CHP1: variants seen among roughly 807,000 people sequenced by gnomAD.
CHP1 encodes the protein calcineurin like EF-hand protein 1.
Under a neutral mutation model 27.4 loss-of-function variants are expected in CHP1, and 11 were observed. The observed-to-expected ratio is 0.40, with a 90% CI of 0.25 to 0.67. The LOEUF (loss-of-function observed/expected upper bound fraction) is 0.67. Ranked by LOEUF, CHP1 falls within the 30% of genes least tolerant of loss-of-function variation. The pLI, the probability that CHP1 is intolerant of heterozygous loss-of-function variation, is 0.38. For missense variants in CHP1, 169 were observed against 251.3 expected, an observed-to-expected ratio of 0.67 and a Z score of 2.22; for synonymous variants, 89 against 87.4, an observed-to-expected ratio of 1.02 and a Z score of -0.10.
At chr15:41,232,968 G>A (rs1048650072) in intron 1 of CHP1, among the ~76,000 whole-genome samples, 52 of 152,182 alleles carry the variant, frequency 3.4e-4, no homozygotes, top group Middle Eastern at 3.4e-3. Flanking sequence ...CCTAAAATAT[G>A]GCCCTTAAGC....
chr15:41,279,210 C>CAAAAAA, intron 6 of CHP1, 126 bp from the exon 7 acceptor site: 1 of 594,410 alleles, frequency 1.7e-6, no homozygotes, highest in Admixed American at 3.7e-5. Flanking sequence ...ACTCTGCCTC[C>CAAAAAA]AAAAAAAAAA....
chr15:41,232,208 ATTTTTTT>A (rs541011609), intron 1 of CHP1, among the ~76,000 whole-genome samples: 21 of 131,626 alleles, frequency 1.6e-4, no homozygotes, highest in East Asian at 4.4e-4. Context: ...CTAGGAACTG[ATTTTTTT>A]TTTTTTTTTT....
At chr15:41,265,540 TC>T (rs2047455828) in intron 4 of CHP1, among the ~76,000 whole-genome samples, 1 of 146,518 alleles carries the variant, frequency 6.8e-6, no homozygotes, top group Non-Finnish European at 1.6e-5. Context: ...TGAAACCCTG[TC>T]TGTACTAAAA....
Position 41,273,014 on chromosome 15 carries a change from G to A in CHP1, c.411+2396G>A, listed in dbSNP as rs2047499018. Among the ~76,000 whole-genome samples the A allele has an allele frequency of 5.9e-5, 9 of 151,808 alleles. 1 individual carries two copies. The South Asian group carries it at 1.9e-3, about 32-fold the overall frequency. On this transcript the variant is annotated intron_variant, in intron 5 of 6. Transcript: ENST00000334660. ...GGAGCTTGCAGTGAGCCGAGATCAC[G>A]CTACTGCACTCCAGCCTGGGCAACA...
At chr15:41,261,279 C>T (rs1472276840) in intron 3 of CHP1, among the ~76,000 whole-genome samples, 3 of 151,940 alleles carry the variant, frequency 2.0e-5, no homozygotes, top group African/African-American at 4.8e-5. Context: ...CTCACCCTCC[C>T]GAGTAGCTGG....
Position 41,262,820 on chromosome 15 carries a change from A to C in CHP1, c.286A>C (p.Asn96His), listed in dbSNP as rs2140937008. The C allele has an allele frequency of 6.2e-7, 1 of 1,614,018 alleles. No individual in the cohort carries two copies. The highest frequency in any genetic ancestry group is 8.5e-7 in the Non-Finnish European group (1 of 1,180,030). Residue 96 changes from asparagine to histidine, a missense_variant, in exon 4 of 7, where the codon AAT becomes CAT. By Grantham distance (68) the Asn-to-His change is moderately conservative (BLOSUM62 1). Transcript: ENST00000334660. ...TLAHFRPIED[N>H]EKSKDVNGPE... ...GGCTCATTTCCGCCCCATTGAGGAT[A>C]ATGAAAAGAGCAAAGATGTGAATGG...
chr15:41,272,279 C>T (rs1402117380), intron 5 of CHP1: 2 of 151,528 alleles, frequency 1.3e-5, no homozygotes, highest in African/African-American at 4.9e-5. Context: ...AGTACAAGCA[C>T]GAGCCATCAT....
intron 3 of CHP1, among the ~76,000 whole-genome samples, chr15:41,262,379 C>A (rs1301574592): frequency 6.6e-6 from 1 of 151,996 alleles, no homozygotes; most frequent in African/African-American, 2.4e-5. Flanking sequence ...CATTGGGCTG[C>A]CTGTGGCTCG....
intron 2 of CHP1, among the ~76,000 whole-genome samples, chr15:41,250,051 T>C (rs867574503): frequency 6.8e-6 from 1 of 147,736 alleles, no homozygotes; most frequent in Middle Eastern, 3.4e-3. Flanking sequence ...GCATGCTTTA[T>C]AGAACAGTCA....
rs1478898260 is a variant in CHP1 at position 41,278,888 on chromosome 15, A to G, written c.533A>G (p.Lys178Arg). 3.1e-6 allele frequency: 5 copies of G among 1,614,050 alleles called. No individual in the cohort carries two copies. The highest frequency in any genetic ancestry group is 4.2e-6 in the Non-Finnish European group (5 of 1,179,954). Residue 178 changes from lysine to arginine, a missense_variant and splice_region_variant, in exon 6 of 7, where the codon AAG becomes AGG. Coordinates refer to ENST00000334660, the MANE Select transcript of CHP1 (RefSeq NM_007236.5). ...GCCATATCTTTCACAGAATTTGTTA[A>G]GGTTGGTCACTTACTTCTTGTTTGA... is the stretch of plus-strand genomic sequence containing the variant. ...DSAISFTEFVKVLEKVDVEQK... is the reference protein window; with the variant it reads ...DSAISFTEFVRVLEKVDVEQK...
At position 41,280,501 on chromosome 15, in the gene CHP1, C is replaced by T. The variant is rs1305427423; in HGVS notation, c.*1112C>T. ...TTACGGAAGTGCCTAATATCCCAGT[C>T]CAAATTTTTTTTTTTTTTTTTTTTT... On this transcript the variant is annotated 3_prime_UTR_variant, in exon 7 of 7. Transcript: ENST00000334660. 7.0e-6 allele frequency: 1 copy of T among 143,884 alleles called. No homozygotes were observed. Among genetic ancestry groups the T allele is most frequent in the African/African-American group, 2.5e-5 (1 of 39,318 alleles). The allele number at this position is 143,884 out of a possible 1,614,324, so 8.9% of individuals were successfully genotyped here.
intron 1 of CHP1, among the ~76,000 whole-genome samples, chr15:41,236,113 C>T (rs1046596692): frequency 6.7e-6 from 1 of 148,992 alleles, no homozygotes; most frequent in South Asian, 2.1e-4. Context: ...GGGTCTCACT[C>T]TGTTGCCCAG....
intron 1 of CHP1, among the ~76,000 whole-genome samples, chr15:41,239,031 C>T (rs1379200467): frequency 6.6e-6 from 1 of 152,062 alleles, no homozygotes; most frequent in Non-Finnish European, 1.5e-5. Flanking sequence ...CACACCAGTT[C>T]CAGTACCTTT....
intron 2 of CHP1, among the ~76,000 whole-genome samples, chr15:41,252,815 ACTGT>A (rs1398380666): frequency 6.6e-6 from 1 of 151,366 alleles, no homozygotes; most frequent in Non-Finnish European, 1.5e-5. Context: ...TACCAGTGAT[ACTGT>A]CTTTTTCTAA....
At chr15:41,231,517 G>A (rs2047241915) in intron 1 of CHP1, 68 bp downstream of exon 1, 2 of 1,481,448 alleles carry the variant, frequency 1.4e-6, no homozygotes, top group East Asian at 2.4e-5. Flanking sequence ...GGCGGCTGTC[G>A]CTAAGGTCTG....
intron 1 of CHP1, among the ~76,000 whole-genome samples, chr15:41,240,619 G>A (rs975740604): frequency 2.0e-5 from 3 of 151,918 alleles, no homozygotes; most frequent in African/African-American, 7.2e-5. Context: ...TGGGTGTGGT[G>A]GCGCATGCCT....
chr15:41,231,990 TAAAC>T (rs1323006596), intron 1 of CHP1, among the ~76,000 whole-genome samples: 1 of 152,068 alleles, frequency 6.6e-6, no homozygotes, highest in Non-Finnish European at 1.5e-5. Flanking sequence ...TGGAGACCTT[TAAAC>T]AATCAGGGGT....
In CHP1 at chr15:41,281,759, G is replaced by C. The variant is rs1317304888; in HGVS notation, c.*2370G>C. The C allele has an allele frequency of 6.6e-6, 1 of 152,588 alleles. No individual in the cohort carries two copies. Among genetic ancestry groups the C allele is most frequent in the Non-Finnish European group, 1.5e-5 (1 of 68,038 alleles). 9.5% of individuals were successfully genotyped at this position (152,588 alleles called of 1,614,324 possible). A position where few individuals can be genotyped will look rare whatever the true frequency, so the allele number is the denominator to read the frequency against. On this transcript the variant is annotated 3_prime_UTR_variant, in exon 7 of 7. Coordinates refer to ENST00000334660, the MANE Select transcript of CHP1 (RefSeq NM_007236.5). Reference sequence around the variant, plus strand: ...TTAGAGGCTTCTTGATTGGCATAAAGTTCCTAAGGTTATAGATTTTCCCCC... The same window carrying C: ...TTAGAGGCTTCTTGATTGGCATAAACTTCCTAAGGTTATAGATTTTCCCCC...
chr15:41,256,198 C>T (rs992296073), intron 2 of CHP1, among the ~76,000 whole-genome samples: 7 of 152,032 alleles, frequency 4.6e-5, no homozygotes, highest in Admixed American at 1.3e-4. Context: ...AAAACATTGG[C>T]GTGAAGAAAT....
Sources: gnomAD v4.1 joint callset for allele counts (sites outside exome capture counted in the v4.1 genomes callset) on GRCh38, gnomAD v4.1.1 for gene constraint, MANE v1.5 for transcripts, NCBI Gene and HGNC (gene_info 2026-07-23, HGNC 2026-07-21) for gene names.